The following NSRP1 variants were observed in gnomAD, a reference collection of about 807,000 sequenced individuals.
NSRP1 encodes the protein nuclear speckle splicing regulatory protein 1.
A neutral mutation model predicts 54.7 loss-of-function variants in NSRP1; 24 were observed. The ratio of observed to expected loss-of-function variants is 0.44; its 90% CI spans 0.32 to 0.62. The LOEUF is 0.62. Among genes scored for constraint, NSRP1 ranks in the 20% least tolerant of loss-of-function variants. NSRP1 has a pLI of 0.06. For synonymous variants in NSRP1, 210 were observed against 213.8 expected (o/e 0.98, Z 0.15); for missense variants, 596 against 651.2 (o/e 0.92, Z 0.92).
At chr17:30,145,862 TTG>T (rs1287875621) in intron 2 of NSRP1, among the ~76,000 whole-genome samples, 1 of 152,182 alleles carries the variant, frequency 6.6e-6, no homozygotes, top group Non-Finnish European at 1.5e-5. Context: ...ATAGTTTGTT[TTG>T]TTTTAGACAA....
At chr17:30,145,934 C>T (rs994851283) in intron 2 of NSRP1, among the ~76,000 whole-genome samples, 2 of 152,176 alleles carry the variant, frequency 1.3e-5, no homozygotes, top group Non-Finnish European at 1.5e-5. Flanking sequence ...ACTGCAGCCT[C>T]GATGTACGGG....
chr17:30,119,428 GT>G (rs2071577154), intron 2 of NSRP1, among the ~76,000 whole-genome samples: 3 of 152,092 alleles, frequency 2.0e-5, no homozygotes, highest in Admixed American at 2.0e-4. Context: ...GGCCAGGCTG[GT>G]CTTGAACCTA....
chr17:30,185,325 G>C lies in NSRP1; in HGVS notation c.1328G>C (p.Gly443Ala), dbSNP rs755392730. ...AGAGATAGAGAAAAACGAGAGGTAG[G>C]TGTTCAGTCTTCAGAAAGAAATCAA... ...KYRDREKREV[G>A]VQSSERNQDR... Residue 443 changes from glycine (G) to alanine (A), a missense_variant, in exon 7 of 7, where the codon GGT (glycine) becomes GCT (alanine). Coordinates refer to ENST00000247026, the MANE Select transcript of NSRP1 (RefSeq NM_032141.4). 2 of 1,608,394 alleles carry C rather than the reference G, an allele frequency of 1.2e-6. No individual in the cohort carries two copies. The highest frequency in any genetic ancestry group is 1.7e-6 in the Non-Finnish European group (2 of 1,178,618).
chr17:30,123,131 G>A (rs141675645), intron 2 of NSRP1, among the ~76,000 whole-genome samples: 23 of 147,224 alleles, frequency 1.6e-4, no homozygotes, highest in African/African-American at 5.7e-4. Flanking sequence ...ACAGAGTCTC[G>A]CTCTGTAGCC....
At chr17:30,132,262 A>G (rs1333850158) in intron 2 of NSRP1, among the ~76,000 whole-genome samples, 1 of 148,414 alleles carries the variant, frequency 6.7e-6, no homozygotes, top group East Asian at 2.0e-4. Flanking sequence ...AAAAAAAAGA[A>G]AAGAAAAGAA....
At chr17:30,152,142 A>G (rs2071917641) in intron 2 of NSRP1, among the ~76,000 whole-genome samples, 1 of 145,004 alleles carries the variant, frequency 6.9e-6, no homozygotes. Context: ...TTTTTTTTTA[A>G]AACAGAGTCT....
chr17:30,171,081 T>C (rs1904914547), intron 2 of NSRP1, among the ~76,000 whole-genome samples: 1 of 152,112 alleles, frequency 6.6e-6, no homozygotes, highest in Non-Finnish European at 1.5e-5. Flanking sequence ...TTTTCTTAGC[T>C]GTATGTAATC....
chr17:30,185,667 A>G lies in NSRP1; in HGVS notation c.1670A>G (p.Asp557Gly), dbSNP rs540335133. The G allele has an allele frequency of 1.3e-6, 2 of 1,566,784 alleles. No homozygotes were observed. The highest frequency in any genetic ancestry group is 2.3e-5 in the East Asian group (1 of 44,002). The change falls in exon 7 of 7, where the codon GAT (aspartate) becomes GGT (glycine). Residue 557 changes from aspartate (D) to glycine (G), a missense_variant. Asp to Gly is a moderately conservative substitution (Grantham distance 94). Transcript: ENST00000247026. ...VNAKTYIEKE[D>G]D ...GCAAAGACCTATATTGAGAAAGAAG[A>G]TGATTGATGGCTACCCCAAGAGAAA... is the stretch of plus-strand genomic sequence containing the variant.
At chr17:30,142,162 ATCCT>A (rs988340230) in intron 2 of NSRP1, among the ~76,000 whole-genome samples, 9 of 152,190 alleles carry the variant, frequency 5.9e-5, no homozygotes, top group African/African-American at 2.2e-4. Flanking sequence ...TCACATCTAT[ATCCT>A]TTCTCACTGG....
intron 3 of NSRP1, among the ~76,000 whole-genome samples, chr17:30,177,566 G>A (rs1905170095): frequency 6.6e-6 from 1 of 152,084 alleles, no homozygotes; most frequent in Admixed American, 6.6e-5. Context: ...GAAGGAACAT[G>A]ATAAAGGCAG....
chr17:30,178,097 T>G lies in NSRP1; in HGVS notation c.198T>G (p.Leu66=). ...KQTKLEIQKA[L]AEDATVYEYD... Reference sequence around the variant, plus strand: ...CCAAACTGGAAATCCAGAAGGCCCTTGCAGAAGATGCTACTGTGTATGAAT... The same window carrying G: ...CCAAACTGGAAATCCAGAAGGCCCTGGCAGAAGATGCTACTGTGTATGAAT... The change falls in exon 4 of 7, where the codon CTT becomes CTG. Residue 66 remains leucine, a synonymous_variant. Transcript: ENST00000247026. 6.2e-7 allele frequency: 1 copy of G among 1,612,402 alleles called. No individual in the cohort carries two copies. The highest frequency in any genetic ancestry group is 1.1e-5 in the South Asian group (1 of 90,282).
intron 2 of NSRP1, among the ~76,000 whole-genome samples, chr17:30,152,903 C>CTTTTTTT (rs60246615): frequency 8.5e-5 from 4 of 46,918 alleles, no homozygotes; most frequent in East Asian, 8.4e-4. Flanking sequence ...TTATTTTCAG[C>CTTTTTTT]TTTTTTTTTT....
intron 2 of NSRP1, among the ~76,000 whole-genome samples, chr17:30,147,833 C>T (rs1490606479): frequency 3.0e-4 from 44 of 148,112 alleles, no homozygotes; most frequent in Middle Eastern, 3.5e-3. Flanking sequence ...TTTTTTGAGA[C>T]GGAGTTTCGC....
intron 2 of NSRP1, chr17:30,128,261 G>A (rs1206885827): frequency 1.3e-5 from 2 of 152,030 alleles, no homozygotes; most frequent in Non-Finnish European, 2.9e-5. Context: ...GAAATTATAA[G>A]GGAAACATTA....
chr17:30,119,772 GA>G (rs1244881498), intron 2 of NSRP1, among the ~76,000 whole-genome samples: 2 of 152,284 alleles, frequency 1.3e-5, no homozygotes, highest in East Asian at 1.9e-4. Flanking sequence ...CAAAGTGCTG[GA>G]ATTACAGGCA....
intron 2 of NSRP1, among the ~76,000 whole-genome samples, chr17:30,165,124 T>C (rs111523741): frequency 0.022 from 3,301 of 152,336 alleles, 94 homozygotes; most frequent in African/African-American, 0.072. Flanking sequence ...TTCAATTTAT[T>C]TAACATTCAT....
rs767982993 is a variant in NSRP1 at position 30,179,287 on chromosome 17, T to C, written c.498T>C (p.Ala166=). 1.3e-6 allele frequency: 2 copies of C among 1,566,026 alleles called. No homozygotes were observed. The highest frequency in any genetic ancestry group is 2.7e-5 in the African/African-American group (2 of 72,898). Residue 166 remains alanine, a synonymous_variant, in exon 5 of 7, where the codon GCT becomes GCC. Coordinates refer to ENST00000247026, the MANE Select transcript of NSRP1 (RefSeq NM_032141.4). ...AEEEEREKRA[A]ALEACLDVTK... ...AAGAAGAAAGAGAAAAGAGGGCTGCTGCACTGGAAGGTAAAATGAAAGAGT... is the reference window on the plus strand; with the variant it reads ...AAGAAGAAAGAGAAAAGAGGGCTGCCGCACTGGAAGGTAAAATGAAAGAGT...
intron 2 of NSRP1, among the ~76,000 whole-genome samples, chr17:30,164,763 G>A (rs887038690): frequency 2.6e-5 from 4 of 151,902 alleles, no homozygotes; most frequent in African/African-American, 7.3e-5. Context: ...ATGTCACTGC[G>A]CTCCAGCCTG....
chr17:30,170,173 G>A (rs1302676735), intron 2 of NSRP1, among the ~76,000 whole-genome samples: 1 of 151,934 alleles, frequency 6.6e-6, no homozygotes, highest in Admixed American at 6.6e-5. Flanking sequence ...ACAATTCAGT[G>A]TCAGTATATT....
Sources: gnomAD v4.1 joint callset for allele counts (sites outside exome capture counted in the v4.1 genomes callset) on GRCh38, gnomAD v4.1.1 for gene constraint, MANE v1.5 for transcripts, NCBI Gene and HGNC (gene_info 2026-07-23, HGNC 2026-07-21) for gene names.